Variants in HMCN2 observed in about 807,000 individuals in gnomAD.
HMCN2 encodes hemicentin-2.
Under a neutral mutation model 377.5 loss-of-function variants are expected in HMCN2, and 325 were observed. The observed-to-expected ratio is 0.86, with a 90% CI of 0.79 to 0.94. The LOEUF (loss-of-function observed/expected upper bound fraction) is 0.94, where lower values mean the gene tolerates loss of function less well. Ranked by LOEUF, HMCN2 falls within the 40% of genes least tolerant of loss-of-function variation. The pLI is 0.00. For missense variants in HMCN2, 4,543 were observed against 4,725.3 expected, an observed-to-expected ratio of 0.96 and a Z score of 1.13; for synonymous variants, 2,007 against 2,046.8, an observed-to-expected ratio of 0.98 and a Z score of 0.53.
chr9:130,379,968 T>C (rs1841616802), intron 54 of HMCN2, among the ~76,000 whole-genome samples: 1 of 152,124 alleles, frequency 6.6e-6, no homozygotes, highest in African/African-American at 2.4e-5. Context: ...CTCCACCTCC[T>C]GGGTTCAAGT....
In HMCN2 at chr9:130,412,276, T is replaced by C. The variant is rs576803977; in HGVS notation, c.12961+1624T>C. 3.9e-5 allele frequency among the ~76,000 whole-genome samples: 6 copies of C among 152,278 alleles called. No individual in the cohort carries two copies. The South Asian group carries it at 1.2e-3, about 32-fold the overall frequency. On this transcript the variant is annotated intron_variant, in intron 85 of 97. Coordinates refer to ENST00000683500, the MANE Select transcript of HMCN2 (RefSeq NM_001291815.2). ...AGTGAGCCACTGCACCCAGGGCTTG[T>C]GCTCATTCTTAAATGGAGTTGTTTA...
rs994164753 is a variant in HMCN2 at position 130,272,402 on chromosome 9, A to G, written c.259+6265A>G. ...ATTACAGATGTGTGCCACCATGCCT[A>G]GCTAATTTTTGTATTTTTAGTAGAG... On this transcript the variant is annotated intron_variant, in intron 1 of 97. Coordinates refer to ENST00000683500, the MANE Select transcript of HMCN2 (RefSeq NM_001291815.2). Among the ~76,000 whole-genome samples the G allele has an allele frequency of 4.1e-5, 6 of 147,014 alleles. 1 individual carries two copies. The highest frequency in any genetic ancestry group is 1.5e-4 in the African/African-American group (6 of 40,964).
chr9:130,328,530 C>T (rs1838265077), intron 22 of HMCN2, among the ~76,000 whole-genome samples: 1 of 152,162 alleles, frequency 6.6e-6, no homozygotes, highest in Non-Finnish European at 1.5e-5. Flanking sequence ...TTTTGCAATC[C>T]TAGAGTTGTG....
chr9:130,421,165 C>T (rs1410677237), intron 86 of HMCN2, among the ~76,000 whole-genome samples: 1 of 152,172 alleles, frequency 6.6e-6, no homozygotes, highest in African/African-American at 2.4e-5. Context: ...GGAAGACATC[C>T]AATTATGATA....
Position 130,432,425 on chromosome 9 carries a change from C to T in HMCN2, c.14768-4C>T. 6.4e-7 allele frequency: 1 copy of T among 1,551,120 alleles called. No individual in the cohort carries two copies. Among genetic ancestry groups the T allele is most frequent in the Non-Finnish European group, 8.7e-7 (1 of 1,147,090 alleles). On this transcript the variant is annotated splice_polypyrimidine_tract_variant and splice_region_variant and intron_variant, in intron 96 of 97. Coordinates refer to ENST00000683500, the MANE Select transcript of HMCN2 (RefSeq NM_001291815.2). ...TCCCCCGCTTCACCAACTTCCCCATCCAGACATCAACGAGTGCGAGGAGGA... is the reference window on the plus strand; with the variant it reads ...TCCCCCGCTTCACCAACTTCCCCATTCAGACATCAACGAGTGCGAGGAGGA...
chr9:130,414,899 A>C lies in HMCN2; in HGVS notation c.12962-3873A>C, dbSNP rs1843604033. On this transcript the variant is annotated intron_variant, in intron 85 of 97. Coordinates refer to ENST00000683500, the MANE Select transcript of HMCN2 (RefSeq NM_001291815.2). The surrounding 1 kb of genome is among the most constrained non-coding windows in gnomAD (Gnocchi z 4.4). ...CAAAGTGGTGGGATTACAGGCATGA[A>C]CCACTGTGCCTGACCAAGACTGAAC... Among the ~76,000 whole-genome samples, 1 of 152,226 alleles carries C rather than the reference A, an allele frequency of 6.6e-6. No individual in the cohort carries two copies. The highest frequency in any genetic ancestry group is 1.5e-5 in the Non-Finnish European group (1 of 67,988).
chr9:130,429,325 T>C, intron 93 of HMCN2: 1 of 581,772 alleles, frequency 1.7e-6, no homozygotes, highest in Non-Finnish European at 3.0e-6. Flanking sequence ...CCCAGGACTC[T>C]GCCCACAAAG....
rs931368646 is a variant in HMCN2 at position 130,341,143 on chromosome 9, C to T, written c.3520C>T (p.Leu1174=). 3.9e-5 allele frequency: 6 copies of T among 152,658 alleles called. No individual in the cohort carries two copies. Among genetic ancestry groups the T allele is most frequent in the African/African-American group, 1.4e-4 (6 of 41,570 alleles). 9.5% of individuals were successfully genotyped at this position (152,658 alleles called of 1,614,324 possible). ...TCAGGTGCAGCCAGGCCCTCGGGTTCTGAAGGTGCTGGTGGGAGAAGCCCT... is the reference window on the plus strand; with the variant it reads ...TCAGGTGCAGCCAGGCCCTCGGGTTTTGAAGGTGCTGGTGGGAGAAGCCCT... ...PPQVQPGPRV[L]KVLVGEALDL... The change falls in exon 24 of 98, where the codon CTG becomes TTG. Residue 1174 remains leucine (L), a synonymous_variant. Coordinates refer to ENST00000683500, the MANE Select transcript of HMCN2 (RefSeq NM_001291815.2).
At position 130,351,717 on chromosome 9, in the gene HMCN2, C is replaced by G; in HGVS notation, c.4585+140C>G. ...TCCCTGAGTCCAAGAAAGCTGGGGGCTGGGGTCGGGGTTGGGGTCAGGGTC... is the reference window on the plus strand; with the variant it reads ...TCCCTGAGTCCAAGAAAGCTGGGGGGTGGGGTCGGGGTTGGGGTCAGGGTC... On this transcript the variant is annotated intron_variant, in intron 30 of 97. Coordinates refer to ENST00000683500, the MANE Select transcript of HMCN2 (RefSeq NM_001291815.2). This position sits in a 1 kb window ranked among gnomAD's most constrained non-coding sequence, Gnocchi z 5.4. 5 of 532,220 alleles carry G rather than the reference C, an allele frequency of 9.4e-6. No homozygotes were observed. Among genetic ancestry groups the G allele is most frequent in the Non-Finnish European group, 1.4e-5 (5 of 354,550 alleles). The allele number at this position is 532,220 out of a possible 1,614,324, so 33.0% of individuals were successfully genotyped here. A position where few individuals can be genotyped will look rare whatever the true frequency, so the allele number is the denominator to read the frequency against.
chr9:130,392,413 C>A (rs1842365374), intron 66 of HMCN2, among the ~76,000 whole-genome samples: 1 of 152,156 alleles, frequency 6.6e-6, no homozygotes, highest in South Asian at 2.1e-4. Context: ...GGTGCTGTGC[C>A]TGTCACTGGG....
At chr9:130,375,065 G>C (rs949456717) in intron 49 of HMCN2, among the ~76,000 whole-genome samples, 1 of 152,166 alleles carries the variant, frequency 6.6e-6, no homozygotes, top group East Asian at 1.9e-4. Context: ...TGTAAGCCTG[G>C]AGAAACAGAG....
chr9:130,365,975 A>G lies in HMCN2; in HGVS notation c.6605A>G (p.Lys2202Arg). 14 of 985,928 alleles carry G rather than the reference A, an allele frequency of 1.4e-5. No individual in the cohort carries two copies. Among genetic ancestry groups the G allele is most frequent in the Non-Finnish European group, 1.6e-5 (13 of 829,990 alleles). The allele number at this position is 985,928 out of a possible 1,614,324, so 61.1% of individuals were successfully genotyped here. ...SCECRGVPFP[K>R]ISWRKDGQPL... is the part of the protein sequence containing the mutation. The stretch of plus-strand genomic sequence containing the variant: ...GAATGCCGGGGTGTCCCCTTCCCCA[A>G]GATCTCCTGGAGGAAGGACGGTAGG... Residue 2202 changes from lysine to arginine, a missense_variant, in exon 43 of 98, where the codon AAG becomes AGG. This residue lies in a region of HMCN2 where 1,032 missense variants were observed against 1,285.1 expected (regional missense o/e 0.80). Coordinates refer to ENST00000683500, the MANE Select transcript of HMCN2 (RefSeq NM_001291815.2).
At chr9:130,270,297 T>TTG (rs1418701679) in intron 1 of HMCN2, among the ~76,000 whole-genome samples, 2 of 114,398 alleles carry the variant, frequency 1.7e-5, no homozygotes, top group South Asian at 3.3e-4. Flanking sequence ...GTTTGTTTGT[T>TTG]TTTTTTTTTC....
intron 8 of HMCN2, among the ~76,000 whole-genome samples, chr9:130,300,956 C>G (rs932164320): frequency 6.6e-6 from 1 of 152,204 alleles, no homozygotes; most frequent in Non-Finnish European, 1.5e-5. Context: ...GGAGGTGGCC[C>G]GAGGGGAGCT....
chr9:130,375,475 C>T (rs1220148950), intron 49 of HMCN2, 88 bp from the exon 50 acceptor site: 3 of 738,648 alleles, frequency 4.1e-6, no homozygotes, highest in Non-Finnish European at 5.0e-6. Context: ...AGTACCGAGG[C>T]CAAGCACCGG....
At chr9:130,348,902 G>A (rs1016801033) in intron 27 of HMCN2, 82 bp from the exon 28 acceptor site, 12 of 1,244,894 alleles carry the variant, frequency 9.6e-6, no homozygotes, top group African/African-American at 1.5e-5. Context: ...GCCACCTCTC[G>A]GGCCTCAGTT....
chr9:130,399,680 C>T (rs1316875619), intron 76 of HMCN2, 48 bp downstream of exon 76: 6 of 1,235,828 alleles, frequency 4.9e-6, no homozygotes, highest in Non-Finnish European at 6.3e-6. Context: ...GGGGGCAGCG[C>T]CTTCCCGCTC....
At chr9:130,357,749 C>T (rs1416908488) in intron 34 of HMCN2, 85 bp from the exon 35 acceptor site, 8 of 1,083,980 alleles carry the variant, frequency 7.4e-6, no homozygotes, top group Non-Finnish European at 9.8e-6. Flanking sequence ...ACCTTCTCAC[C>T]CCCAGGCATC....
At chr9:130,327,940 G>A (rs930262152) in intron 22 of HMCN2, among the ~76,000 whole-genome samples, 1 of 152,208 alleles carries the variant, frequency 6.6e-6, no homozygotes, top group South Asian at 2.1e-4. Flanking sequence ...CGGGATCCTG[G>A]GAGTGGGCGG....
Sources: gnomAD v4.1 joint callset for allele counts (sites outside exome capture counted in the v4.1 genomes callset) on GRCh38, gnomAD v4.1.1 for gene constraint, gnomAD v4.1.1 regional missense constraint, Gnocchi (gnomAD v3.1) non-coding constraint, MANE v1.5 for transcripts, NCBI Gene and HGNC (gene_info 2026-07-23, HGNC 2026-07-21) for gene names.